WNT2: variants seen among roughly 807,000 people sequenced by gnomAD.
The protein encoded by WNT2 is protein Wnt-2.
In WNT2, 12 loss-of-function variants were observed where a neutral mutation model predicts 36.9. The observed-to-expected ratio is 0.33, with a 90% CI of 0.21 to 0.53. WNT2 has a LOEUF of 0.53. Among genes scored for constraint, WNT2 ranks in the 20% least tolerant of loss-of-function variants. WNT2 has a pLI of 0.95. For missense variants in WNT2, 379 were observed against 473.1 expected (o/e 0.80, Z 1.84); for synonymous variants, 163 against 174.6 (o/e 0.93, Z 0.52).
intron 4 of WNT2, among the ~76,000 whole-genome samples, chr7:117,283,563 TCTGAC>T (rs2116328954): frequency 2.6e-5 from 4 of 152,292 alleles, no homozygotes; most frequent in African/African-American, 9.6e-5. Context: ...GAGCTTGTGG[TCTGAC>T]TCAGCCTTCT....
At chr7:117,304,671 G>T (rs1359290095) in intron 3 of WNT2, among the ~76,000 whole-genome samples, 2 of 152,086 alleles carry the variant, frequency 1.3e-5, no homozygotes, top group Non-Finnish European at 2.9e-5. Context: ...CCTGACCTCA[G>T]ATGATCCACC....
At chr7:117,313,437 C>T (rs1795159468) in intron 3 of WNT2, among the ~76,000 whole-genome samples, 3 of 152,288 alleles carry the variant, frequency 2.0e-5, no homozygotes, top group South Asian at 4.1e-4. Context: ...CACCTCTACA[C>T]GGTGAAGAAT....
At chr7:117,296,630 G>A (rs971964332) in intron 4 of WNT2, among the ~76,000 whole-genome samples, 3 of 152,036 alleles carry the variant, frequency 2.0e-5, no homozygotes, top group African/African-American at 7.2e-5. Flanking sequence ...TTCTTATTTT[G>A]CACTAGAATC....
intron 3 of WNT2, among the ~76,000 whole-genome samples, chr7:117,304,798 A>G (rs992940679): frequency 2.0e-5 from 3 of 152,164 alleles, no homozygotes; most frequent in Middle Eastern, 3.4e-3. Flanking sequence ...TTGGTCCTCT[A>G]TGTCACTTAT....
chr7:117,301,477 A>G (rs1443905900), intron 3 of WNT2, among the ~76,000 whole-genome samples: 1 of 152,230 alleles, frequency 6.6e-6, no homozygotes, highest in African/African-American at 2.4e-5. Context: ...TTCAAATGTT[A>G]TAACATGATA....
chr7:117,285,051 G>A (rs568325786), intron 4 of WNT2, among the ~76,000 whole-genome samples: 10 of 152,336 alleles, frequency 6.6e-5, no homozygotes, highest in African/African-American at 1.7e-4. Flanking sequence ...GTGCAGCAGC[G>A]TCTTTCCCGT....
intron 2 of WNT2, among the ~76,000 whole-genome samples, chr7:117,316,572 G>T (rs1384011504): frequency 6.6e-6 from 1 of 152,156 alleles, no homozygotes; most frequent in Admixed American, 6.6e-5. Context: ...AGCCCTGCTT[G>T]TTTCCGTTTG....
chr7:117,281,910 C>T (rs1266968722), intron 4 of WNT2, among the ~76,000 whole-genome samples: 1 of 151,954 alleles, frequency 6.6e-6, no homozygotes, highest in Admixed American at 6.6e-5. Flanking sequence ...GAGGAGAGGA[C>T]ATGGGGACAG....
At chr7:117,307,702 T>C (rs78588393) in intron 3 of WNT2, among the ~76,000 whole-genome samples, 1 of 152,362 alleles carries the variant, frequency 6.6e-6, no homozygotes, top group East Asian at 1.9e-4. Flanking sequence ...TAAAACTTCT[T>C]TGCAGAACAT....
At chr7:117,302,275 G>A (rs1794921149) in intron 3 of WNT2, among the ~76,000 whole-genome samples, 1 of 151,970 alleles carries the variant, frequency 6.6e-6, no homozygotes, top group Admixed American at 6.6e-5. Context: ...CTAACAAAAG[G>A]ACAAAAAGGT....
chr7:117,313,366 A>G (rs754651689), intron 3 of WNT2, among the ~76,000 whole-genome samples: 4 of 152,250 alleles, frequency 2.6e-5, no homozygotes, highest in Admixed American at 6.5e-5. Context: ...TATTCCAATC[A>G]AAAGTAGCCT....
rs1381298210 is a variant in WNT2 at position 117,320,782 on chromosome 7, G to A, written c.95C>T (p.Ala32Val). 1.9e-6 allele frequency: 3 copies of A among 1,610,366 alleles called. No individual in the cohort carries two copies. The highest frequency in any genetic ancestry group is 1.7e-5 in the Admixed American group (1 of 59,826). Residue 32 changes from alanine (A) to valine (V), a missense_variant, in exon 2 of 5, where the codon GCT becomes GTT. Coordinates refer to ENST00000265441, the MANE Select transcript of WNT2 (RefSeq NM_003391.3). ...EVNSSWWYMR[A>V]TGGSSRVMCD... is the part of the protein sequence containing the mutation. ...CATCACCCTGGAGGAGCCACCTGTAGCTCTCATGTACCTATAAGGGACCAA... is the reference window on the plus strand; with the variant it reads ...CATCACCCTGGAGGAGCCACCTGTAACTCTCATGTACCTATAAGGGACCAA...
At chr7:117,315,821 A>G (rs1178142649) in intron 2 of WNT2, among the ~76,000 whole-genome samples, 2 of 152,244 alleles carry the variant, frequency 1.3e-5, no homozygotes, top group Admixed American at 1.3e-4. Context: ...TCCAGGACTT[A>G]CTGAAGATAC....
Position 117,323,031 on chromosome 7 carries a change from G to C in WNT2, c.-42C>G, listed in dbSNP as rs376124728. ...CTGCATCAGGTCAGACTCCGTGTGC[G>C]GGCGCCATGCGTGCCCAGAGCAGAA... is the stretch of plus-strand genomic sequence containing the variant. On this transcript the variant is annotated 5_prime_UTR_variant, in exon 1 of 5. Coordinates refer to ENST00000265441, the MANE Select transcript of WNT2 (RefSeq NM_003391.3). The C allele has an allele frequency of 7.7e-6, 12 of 1,557,298 alleles. No individual in the cohort carries two copies. The highest frequency in any genetic ancestry group is 9.6e-6 in the Non-Finnish European group (11 of 1,148,634).
At chr7:117,296,847 A>C (rs1794800075) in intron 4 of WNT2, among the ~76,000 whole-genome samples, 1 of 152,284 alleles carries the variant, frequency 6.6e-6, no homozygotes, top group African/African-American at 2.4e-5. Context: ...TTTATTATAC[A>C]CTGCCCACCT....
chr7:117,281,852 C>A (rs927216192), intron 4 of WNT2, among the ~76,000 whole-genome samples: 1 of 152,012 alleles, frequency 6.6e-6, no homozygotes, highest in Non-Finnish European at 1.5e-5. Context: ...AGGTAACTGG[C>A]GCCCTCGATG....
chr7:117,279,902 T>TCTCCATCATTAA (rs1353264145), intron 4 of WNT2, among the ~76,000 whole-genome samples: 1 of 152,218 alleles, frequency 6.6e-6, no homozygotes, highest in Non-Finnish European at 1.5e-5. Flanking sequence ...ACTAGGAATG[T>TCTCCATCATTAA]CTTCCTTTTG....
intron 3 of WNT2, among the ~76,000 whole-genome samples, chr7:117,300,233 G>A (rs751027130): frequency 5.3e-5 from 8 of 152,084 alleles, no homozygotes; most frequent in Non-Finnish European, 8.8e-5. Context: ...TGTTGCCAGG[G>A]TGGAGTGCAG....
intron 3 of WNT2, among the ~76,000 whole-genome samples, chr7:117,301,915 C>T (rs139958118): frequency 0.042 from 6,279 of 148,114 alleles, 165 homozygotes; most frequent in African/African-American, 0.064. Flanking sequence ...TCAAGCGATT[C>T]TCCTGCCTCA....
Sources: allele counts gnomAD v4.1 joint callset (sites outside exome capture counted in the v4.1 genomes callset), GRCh38; gene constraint gnomAD v4.1.1; transcripts MANE v1.5; gene names NCBI Gene and HGNC (gene_info 2026-07-23, HGNC 2026-07-21).